INSYN2B: variants seen among roughly 807,000 people sequenced by gnomAD.
INSYN2B encodes the protein protein INSYN2B.
A neutral mutation model predicts 41.2 loss-of-function variants in INSYN2B; 16 were observed. The observed-to-expected ratio is 0.39, with a 90% CI of 0.26 to 0.59. The LOEUF is 0.59. INSYN2B is among the 20% of genes least tolerant of loss of function. The pLI is 0.57. For missense variants in INSYN2B, 608 were observed against 646.4 expected, an observed-to-expected ratio of 0.94 and a Z score of 0.64; for synonymous variants, 245 against 244.4, an observed-to-expected ratio of 1.00 and a Z score of -0.02.
chr5:169,941,584 A>C (rs1347204289), intron 1 of INSYN2B, among the ~76,000 whole-genome samples: 1 of 152,220 alleles, frequency 6.6e-6, no homozygotes, highest in Non-Finnish European at 1.5e-5. Context: ...AAGAAGAACC[A>C]AATCTGGCAG....
chr5:169,875,616 T>A lies in INSYN2B; in HGVS notation c.1421+5752A>T, dbSNP rs1019014299. On this transcript the variant is annotated intron_variant, in intron 3 of 3. Transcript: ENST00000377365. ...CTCAGCTTCAATTGCCTAATCTGAA[T>A]GTTGAGCAAGTGCCTGACCCTTCCT... The A allele has an allele frequency of 2.2e-5, 5 of 228,896 alleles. No homozygotes were observed. In the Admixed American group the frequency reaches 2.6e-4, roughly 12 times the overall value. The allele number at this position is 228,896 out of a possible 1,614,324, so 14.2% of individuals were successfully genotyped here.
chr5:169,957,215 T>G (rs552306440), intron 1 of INSYN2B, among the ~76,000 whole-genome samples: 122 of 152,324 alleles, frequency 8.0e-4, no homozygotes, highest in South Asian at 5.6e-3. Context: ...ATGAATGAAT[T>G]AATTAAAATG....
At position 169,882,589 on chromosome 5, in the gene INSYN2B, A is replaced by G; in HGVS notation, c.1310T>C (p.Ile437Thr). The G allele has an allele frequency of 6.4e-7, 1 of 1,550,720 alleles. No individual in the cohort carries two copies. Among genetic ancestry groups the G allele is most frequent in the Non-Finnish European group, 8.7e-7 (1 of 1,146,166 alleles). The change falls in exon 2 of 4, where the codon ATT (isoleucine) becomes ACT (threonine). Residue 437 changes from isoleucine (I) to threonine (T), a missense_variant. Physicochemically the swap from Ile to Thr is moderately conservative, Grantham distance 89 (BLOSUM62 -1). Transcript: ENST00000377365. Reference sequence around the variant, plus strand: ...AGCTCGAGCTTTCTCCAAGTCTTGAATTACATTCAAAAGGACTTTAATTTT... The same window carrying G: ...AGCTCGAGCTTTCTCCAAGTCTTGAGTTACATTCAAAAGGACTTTAATTTT... ...QEKIKVLLNVIQDLEKARALT... is the reference protein window; with the variant it reads ...QEKIKVLLNVTQDLEKARALT...
At chr5:169,868,015 C>G (rs186009433) in intron 3 of INSYN2B, among the ~76,000 whole-genome samples, 2 of 152,278 alleles carry the variant, frequency 1.3e-5, no homozygotes, top group East Asian at 3.9e-4. Flanking sequence ...TAGCCCTGCC[C>G]TCCCTACTGT....
chr5:169,941,867 G>A (rs886857835), intron 1 of INSYN2B, among the ~76,000 whole-genome samples: 8 of 152,280 alleles, frequency 5.3e-5, no homozygotes, highest in Admixed American at 3.3e-4. Context: ...TTTGGTTTGC[G>A]TTAACAGCAG....
intron 1 of INSYN2B, among the ~76,000 whole-genome samples, chr5:169,944,439 G>A (rs986597632): frequency 3.3e-5 from 5 of 152,186 alleles, no homozygotes; most frequent in Admixed American, 6.5e-5. Context: ...GGAGCCAGCC[G>A]TGACTCTGGA....
chr5:169,939,037 G>A (rs1485703829), intron 1 of INSYN2B, among the ~76,000 whole-genome samples: 1 of 151,528 alleles, frequency 6.6e-6, no homozygotes. Context: ...GGGAGTAGCT[G>A]GGACTACAGG....
chr5:169,866,761 A>G (rs1301179628), intron 3 of INSYN2B, among the ~76,000 whole-genome samples: 1 of 152,200 alleles, frequency 6.6e-6, no homozygotes, highest in East Asian at 1.9e-4. Flanking sequence ...TCTCTATTTC[A>G]GGAAAAACTC....
chr5:169,928,354 T>C (rs1037357819), intron 1 of INSYN2B, among the ~76,000 whole-genome samples: 1 of 152,236 alleles, frequency 6.6e-6, no homozygotes, highest in African/African-American at 2.4e-5. Context: ...AGGGATGCCC[T>C]ATCTCCACCT....
intron 3 of INSYN2B, among the ~76,000 whole-genome samples, chr5:169,879,073 G>T (rs1284647084): frequency 6.6e-6 from 1 of 152,166 alleles, no homozygotes; most frequent in Admixed American, 6.5e-5. Context: ...AGAGCAAGCA[G>T]CATAGCCATA....
intron 1 of INSYN2B, among the ~76,000 whole-genome samples, chr5:169,891,448 T>C (rs894821744): frequency 2.0e-5 from 3 of 152,190 alleles, no homozygotes; most frequent in African/African-American, 7.2e-5. Flanking sequence ...CTTTAGATCT[T>C]GGGTAGAATC....
chr5:169,944,466 C>T (rs781397129), intron 1 of INSYN2B, among the ~76,000 whole-genome samples: 14 of 152,272 alleles, frequency 9.2e-5, no homozygotes, highest in East Asian at 3.9e-4. Flanking sequence ...CTGAAGGAGG[C>T]AGGAGATTTG....
chr5:169,971,102 G>A (rs1002570311), intron 1 of INSYN2B, among the ~76,000 whole-genome samples: 5 of 152,026 alleles, frequency 3.3e-5, no homozygotes, highest in Admixed American at 6.6e-5. Flanking sequence ...GATGGTAATC[G>A]GGAGGTGTTG....
chr5:169,903,773 AC>A (rs1335158914), intron 1 of INSYN2B, among the ~76,000 whole-genome samples: 16 of 152,036 alleles, frequency 1.1e-4, no homozygotes, highest in Non-Finnish European at 1.2e-4. Flanking sequence ...TTTGGACTTA[AC>A]CCTAAGAGCA....
intron 1 of INSYN2B, among the ~76,000 whole-genome samples, chr5:169,930,232 C>T (rs951832741): frequency 3.9e-5 from 6 of 152,126 alleles, no homozygotes; most frequent in Admixed American, 1.3e-4. Flanking sequence ...CCTTGTGATC[C>T]GCCTGCCTCG....
intron 1 of INSYN2B, among the ~76,000 whole-genome samples, chr5:169,895,489 C>T (rs1773542095): frequency 6.6e-6 from 1 of 152,088 alleles, no homozygotes; most frequent in Admixed American, 6.5e-5. Context: ...GTCTTCTCCC[C>T]TGCCCCTAGA....
At chr5:169,925,664 G>A (rs150388832) in intron 1 of INSYN2B, among the ~76,000 whole-genome samples, 3 of 151,580 alleles carry the variant, frequency 2.0e-5, no homozygotes, top group African/African-American at 7.3e-5. Flanking sequence ...GTGACCTGTG[G>A]GACTTCTGTA....
chr5:169,906,805 C>T (rs150797319), intron 1 of INSYN2B, among the ~76,000 whole-genome samples: 1 of 152,178 alleles, frequency 6.6e-6, no homozygotes, highest in East Asian at 1.9e-4. Context: ...CTGGTTTAAG[C>T]TCTGGAAAGT....
At position 169,945,128 on chromosome 5, in the gene INSYN2B, G is replaced by A. The variant is rs376687288; in HGVS notation, c.-919+35149C>T. On this transcript the variant is annotated intron_variant, in intron 1 of 3. Transcript: ENST00000377365. Reference sequence around the variant, plus strand: ...CTGTGGTTTCATTTTCTTTCTCTTGGCCCCAGAAGAATCCTCTGACATGGT... The same window carrying A: ...CTGTGGTTTCATTTTCTTTCTCTTGACCCCAGAAGAATCCTCTGACATGGT... Among the ~76,000 whole-genome samples the A allele has an allele frequency of 1.8e-3, 280 of 152,234 alleles. 6 individuals carry two copies. In the South Asian group the frequency reaches 0.048, roughly 26 times the overall value.
Sources: gnomAD v4.1 joint callset for allele counts (sites outside exome capture counted in the v4.1 genomes callset) on GRCh38, gnomAD v4.1.1 for gene constraint, MANE v1.5 for transcripts, NCBI Gene and HGNC (gene_info 2026-07-23, HGNC 2026-07-21) for gene names.